Variants in EDIL3 observed in about 807,000 individuals in gnomAD.
EDIL3 encodes EGF like and discoidin domains 3.
In EDIL3, 37 loss-of-function variants were observed where a neutral mutation model predicts 67.4. That is an observed-to-expected ratio of 0.55 (90% CI 0.42 to 0.72). The LOEUF (loss-of-function observed/expected upper bound fraction) is 0.72, where lower values mean the gene tolerates loss of function less well. Among genes scored for constraint, EDIL3 ranks in the 30% least tolerant of loss-of-function variants. EDIL3 has a pLI of 0.00. For missense variants in EDIL3, 527 were observed against 586.3 expected, an observed-to-expected ratio of 0.90 and a Z score of 1.04; for synonymous variants, 195 against 196.3, an observed-to-expected ratio of 0.99 and a Z score of 0.05.
chr5:84,363,759 A>T (rs1747667748), intron 1 of EDIL3, among the ~76,000 whole-genome samples: 1 of 152,140 alleles, frequency 6.6e-6, no homozygotes. Context: ...TAACTTCTTG[A>T]CTGTATAAAT....
At chr5:84,326,655 CTT>C (rs1741189773) in intron 1 of EDIL3, among the ~76,000 whole-genome samples, 2 of 151,840 alleles carry the variant, frequency 1.3e-5, no homozygotes, top group South Asian at 4.1e-4. Flanking sequence ...TGTGAGATCT[CTT>C]TGTCTCTAGC....
In EDIL3 at chr5:84,102,810, T is replaced by C. The variant is rs144267949; in HGVS notation, c.651+3839A>G. On this transcript the variant is annotated intron_variant, in intron 6 of 10. Coordinates refer to ENST00000296591, the MANE Select transcript of EDIL3 (RefSeq NM_005711.5). ...ACAATGGCCATACTGCCCAAAGCAA[T>C]TTATAGATTTCAATGCTAATCCTAT... Among the ~76,000 whole-genome samples the C allele has an allele frequency of 1.5e-4, 23 of 152,072 alleles. No individual in the cohort carries two copies. In the East Asian group the frequency reaches 4.3e-3, roughly 28 times the overall value.
chr5:84,158,063 C>A (rs1428549164), intron 4 of EDIL3, among the ~76,000 whole-genome samples: 9 of 152,022 alleles, frequency 5.9e-5, no homozygotes, highest in African/African-American at 2.2e-4. Flanking sequence ...AAAACAGGCA[C>A]AACAAGTTTT....
intron 9 of EDIL3, among the ~76,000 whole-genome samples, chr5:84,049,996 G>T (rs1486433362): frequency 1.3e-5 from 2 of 151,732 alleles, no homozygotes; most frequent in African/African-American, 4.8e-5. Context: ...TCAGGAGATC[G>T]AGACCATCCT....
intron 1 of EDIL3, among the ~76,000 whole-genome samples, chr5:84,315,156 G>C (rs1746485722): frequency 6.6e-6 from 1 of 152,120 alleles, no homozygotes; most frequent in South Asian, 2.1e-4. Flanking sequence ...TACTCATTAT[G>C]TTTCTCAATG....
intron 3 of EDIL3, among the ~76,000 whole-genome samples, chr5:84,195,815 G>T (rs1304767659): frequency 6.6e-6 from 1 of 151,968 alleles, no homozygotes; most frequent in Non-Finnish European, 1.5e-5. Flanking sequence ...CTAGATAAAA[G>T]AATTTTGAAG....
At chr5:84,069,904 A>G (rs1457988502) in intron 6 of EDIL3, among the ~76,000 whole-genome samples, 1 of 152,108 alleles carries the variant, frequency 6.6e-6, no homozygotes, top group Non-Finnish European at 1.5e-5. Flanking sequence ...ACTGAGAGGA[A>G]CAGACCAGCA....
rs1745747864 is a variant in EDIL3 at position 84,023,088 on chromosome 5, AAAG to A, written c.1137+37209_1137+37211del. The stretch of plus-strand genomic sequence containing the variant: ...TAATAACTTATTTAAAAATGAGTCT[AAAG>A]AAGTGTCTGACACAAGTTCTGGGGA... On this transcript the variant is annotated intron_variant, in intron 9 of 10. Coordinates refer to ENST00000296591, the MANE Select transcript of EDIL3 (RefSeq NM_005711.5). Among the ~76,000 whole-genome samples the A allele has an allele frequency of 7.2e-5, 11 of 152,138 alleles. No homozygotes were observed. In the South Asian group the frequency reaches 1.9e-3, roughly 26 times the overall value.
chr5:84,088,311 C>G (rs570441182), intron 6 of EDIL3, among the ~76,000 whole-genome samples: 46 of 152,204 alleles, frequency 3.0e-4, no homozygotes, highest in African/African-American at 1.1e-3. Context: ...CAAATCCAGG[C>G]TAATGCATGC....
At chr5:84,145,315 A>G (rs561712213) in intron 4 of EDIL3, among the ~76,000 whole-genome samples, 23 of 152,244 alleles carry the variant, frequency 1.5e-4, no homozygotes, top group Admixed American at 1.0e-3. Flanking sequence ...CACAAAGAAC[A>G]TATTTTCAGA....
At chr5:84,103,320 A>G (rs1254379282) in intron 6 of EDIL3, among the ~76,000 whole-genome samples, 2 of 152,120 alleles carry the variant, frequency 1.3e-5, no homozygotes, top group African/African-American at 4.8e-5. Context: ...CAAATATTTC[A>G]TGACAAAGAG....
chr5:83,995,271 G>A (rs1473761892), intron 9 of EDIL3, among the ~76,000 whole-genome samples: 1 of 151,944 alleles, frequency 6.6e-6, no homozygotes, highest in African/African-American at 2.4e-5. Flanking sequence ...CCTAACACCA[G>A]GGGGTTTGCA....
At chr5:84,292,928 C>T (rs1745951259) in intron 1 of EDIL3, among the ~76,000 whole-genome samples, 1 of 152,198 alleles carries the variant, frequency 6.6e-6, no homozygotes, top group Non-Finnish European at 1.5e-5. Flanking sequence ...AGTCCCTCCC[C>T]TAGTTCCTCA....
chr5:84,300,139 T>C (rs530544329), intron 1 of EDIL3, among the ~76,000 whole-genome samples: 39 of 152,326 alleles, frequency 2.6e-4, no homozygotes, highest in African/African-American at 9.4e-4. Context: ...CTGCATTCCC[T>C]TCTGGAGGCT....
intron 1 of EDIL3, among the ~76,000 whole-genome samples, chr5:84,331,347 G>A (rs917149278): frequency 1.3e-5 from 2 of 152,104 alleles, no homozygotes; most frequent in African/African-American, 4.8e-5. Flanking sequence ...TGTTCCACCC[G>A]AATTTCATCT....
chr5:84,291,626 A>G (rs1745916609), intron 1 of EDIL3, among the ~76,000 whole-genome samples: 1 of 149,902 alleles, frequency 6.7e-6, no homozygotes, highest in Non-Finnish European at 1.5e-5. Flanking sequence ...ATTATCATGT[A>G]TGTGTGTGTA....
rs79189828 is a variant in EDIL3 at position 83,986,616 on chromosome 5, T to C, written c.1138-23256A>G. ...AGGCACTCGGGTTACTAAAATTCCC[T>C]TGTGGGGTCTGAGTATAGTGGGACA... On this transcript the variant is annotated intron_variant, in intron 9 of 10. Transcript: ENST00000296591. 9.3e-3 allele frequency among the ~76,000 whole-genome samples: 1,416 copies of C among 152,226 alleles called. 16 individuals are homozygous for C. The highest frequency in any genetic ancestry group is 0.033 in the African/African-American group (1,352 of 41,552).
chr5:84,204,522 A>G (rs1743916843), intron 3 of EDIL3, among the ~76,000 whole-genome samples: 1 of 152,106 alleles, frequency 6.6e-6, no homozygotes, highest in Non-Finnish European at 1.5e-5. Flanking sequence ...ATTTTTTAAA[A>G]ATTGTATTTT....
intron 9 of EDIL3, among the ~76,000 whole-genome samples, chr5:84,011,768 T>C (rs958643): frequency 0.74 from 112,616 of 152,020 alleles, 43,327 homozygotes; most frequent in South Asian, 0.86. Context: ...CCAAAACTTA[T>C]ATTGTGTGGC....
Sources: gnomAD v4.1 joint callset for allele counts (sites outside exome capture counted in the v4.1 genomes callset) on GRCh38, gnomAD v4.1.1 for gene constraint, MANE v1.5 for transcripts, NCBI Gene and HGNC (gene_info 2026-07-23, HGNC 2026-07-21) for gene names.